Variants in PABIR3 observed in about 807,000 individuals in gnomAD.
PABIR3 encodes the protein PABIR family member 3.
A neutral mutation model predicts 23.1 loss-of-function variants in PABIR3; 20 were observed. The observed-to-expected ratio is 0.86, with a 90% confidence interval of 0.61 to 1.26. The LOEUF (loss-of-function observed/expected upper bound fraction) is 1.26. Among genes scored for constraint, PABIR3 ranks in the 50% most tolerant of loss-of-function variants. The pLI is 0.00. For synonymous variants in PABIR3, 69 were observed against 68.5 expected, an observed-to-expected ratio of 1.01 and a Z score of -0.04; for missense variants, 189 against 195.4, an observed-to-expected ratio of 0.97 and a Z score of 0.20.
At chrX:134,851,128 C>T (rs1208753607) in intron 9 of PABIR3, among the ~76,000 whole-genome samples, 4 of 108,988 alleles carry the variant, frequency 3.7e-5, no homozygotes, top group African/African-American at 6.7e-5. Flanking sequence ...AGGCAGGGGG[C>T]GGGGGGAACT....
intron 4 of PABIR3, among the ~76,000 whole-genome samples, chrX:134,843,918 CTTTTT>C (rs1196514400): frequency 1.5e-5 from 1 of 66,027 alleles, no homozygotes. Flanking sequence ...TATGCATGTT[CTTTTT>C]TTTTTTTTTT....
chrX:134,862,115 C>T, the PABIR3 span, among the ~76,000 whole-genome samples: 4 of 94,576 alleles, frequency 4.2e-5, no homozygotes, highest in Non-Finnish European at 6.3e-5. Flanking sequence ...AATGGGATCT[C>T]GTTTTTGTTT....
the PABIR3 span, among the ~76,000 whole-genome samples, chrX:134,861,224 G>A: frequency 1.8e-5 from 2 of 109,546 alleles, no homozygotes; most frequent in South Asian, 4.0e-4. Flanking sequence ...GCAGTGAGCC[G>A]AGATGGCGCC....
rs189416361 is a variant in PABIR3 at position 134,836,940 on chromosome X, G to A, written c.246+7658G>A. ...GAAATTGAGCTGGGCGTGGTGGTTC[G>A]TGCCTGTAATTCCAGTGACTTGAGA... On this transcript the variant is annotated intron_variant, in intron 4 of 10. Transcript: ENST00000645433. Among the ~76,000 whole-genome samples, 266 of 111,568 alleles carry A rather than the reference G, an allele frequency of 2.4e-3. 2 individuals are homozygous for A. Among genetic ancestry groups the A allele is most frequent in the Middle Eastern group, 4.6e-3 (1 of 216 alleles).
chrX:134,831,121 C>T (rs1042083693), intron 4 of PABIR3, among the ~76,000 whole-genome samples: 1 of 108,632 alleles, frequency 9.2e-6, no homozygotes, highest in African/African-American at 3.4e-5. Flanking sequence ...GGCGGGAGTG[C>T]AGTGGTGCTG....
At position 134,845,415 on chromosome X, in the gene PABIR3, A is replaced by C; in HGVS notation, c.345+14A>C. 1 of 1,170,429 alleles carries C rather than the reference A, an allele frequency of 8.5e-7. No homozygotes were observed. The highest frequency in any genetic ancestry group is 1.1e-6 in the Non-Finnish European group (1 of 873,759). ...GGCTTGAAACTGGTATGATATTATA[A>C]CTTCAGTTTTGTAGAAAATTTCAAA... On this transcript the variant is annotated intron_variant, in intron 6 of 10. Coordinates refer to ENST00000645433, the MANE Select transcript of PABIR3 (RefSeq NM_001388447.1).
downstream of PABIR3, among the ~76,000 whole-genome samples, chrX:134,856,966 C>G (rs148224478): frequency 6.4e-3 from 715 of 111,163 alleles, 2 homozygotes; most frequent in African/African-American, 0.022. Flanking sequence ...GAGCCGAGAT[C>G]ACGCCACTGC....
chrX:134,821,697 A>G (rs754148403), intron 3 of PABIR3: 145 of 1,016,532 alleles, frequency 1.4e-4, no homozygotes, highest in Non-Finnish European at 1.7e-4. Flanking sequence ...ATGGCCCACA[A>G]AGTTGCAAGC....
intron 4 of PABIR3, among the ~76,000 whole-genome samples, chrX:134,840,023 C>A (rs2082167854): frequency 8.9e-6 from 1 of 112,217 alleles, no homozygotes; most frequent in South Asian, 3.6e-4. Flanking sequence ...ACTAAGAATT[C>A]TTCTGCCTTG....
intron 4 of PABIR3, 28 bp from the exon 5 acceptor site, chrX:134,845,177 G>A (rs777543332): frequency 1.7e-6 from 2 of 1,153,012 alleles, no homozygotes; most frequent in South Asian, 3.8e-5. Context: ...TGGGTATTCA[G>A]TTTATTCTCA....
chrX:134,824,405 G>C, intron 3 of PABIR3, among the ~76,000 whole-genome samples: 1 of 112,355 alleles, frequency 8.9e-6, no homozygotes. Context: ...TGGTGTTGCA[G>C]ATGAATTTTA....
chrX:134,852,854 T>C lies in PABIR3; in HGVS notation c.644T>C (p.Met215Thr). 1 of 1,142,166 alleles carries C rather than the reference T, an allele frequency of 8.8e-7. No individual in the cohort carries two copies. Among genetic ancestry groups the C allele is most frequent in the Non-Finnish European group, 1.2e-6 (1 of 866,684 alleles). 94.1% of individuals were successfully genotyped at this position (1,142,166 alleles called of 1,213,427 possible). The change falls in exon 10 of 11, where the codon ATG becomes ACG. Residue 215 changes from methionine (M) to threonine (T), a missense_variant. Coordinates refer to ENST00000645433, the MANE Select transcript of PABIR3 (RefSeq NM_001388447.1). ...AAGATTTTCCAAGGCACAACCAACATGCTTTCTTCTGATACTTCCCAACTG... is the reference window on the plus strand; with the variant it reads ...AAGATTTTCCAAGGCACAACCAACACGCTTTCTTCTGATACTTCCCAACTG... Reference protein sequence around the residue: ...PKKIFQGTTNMLSSDTSQLSE... With the variant: ...PKKIFQGTTNTLSSDTSQLSE...
chrX:134,863,882 C>CA, the PABIR3 span, among the ~76,000 whole-genome samples: 3 of 111,381 alleles, frequency 2.7e-5, no homozygotes, highest in Non-Finnish European at 5.6e-5. Flanking sequence ...CGACTTCCAC[C>CA]ATGCATATGG....
Position 134,848,109 on chromosome X carries a change from G to A in PABIR3, c.527+138G>A, listed in dbSNP as rs371688872. On this transcript the variant is annotated intron_variant, in intron 8 of 10. Transcript: ENST00000645433. Reference sequence around the variant, plus strand: ...AGGGAAATTAAAATGTCATTGTTTCGGCTGGGCACGGTGGCTCCTGCCTGT... The same window carrying A: ...AGGGAAATTAAAATGTCATTGTTTCAGCTGGGCACGGTGGCTCCTGCCTGT... 294 of 540,159 alleles carry A rather than the reference G, an allele frequency of 5.4e-4. 1 individual carries two copies. Among genetic ancestry groups the A allele is most frequent in the African/African-American group, 5.1e-3 (216 of 42,537 alleles). 44.5% of individuals were successfully genotyped at this position (540,159 alleles called of 1,213,427 possible). A position where few individuals can be genotyped will look rare whatever the true frequency, so the allele number is the denominator to read the frequency against.
At chrX:134,799,594 G>A (rs2080004929) in intron 1 of PABIR3, among the ~76,000 whole-genome samples, 1 of 112,062 alleles carries the variant, frequency 8.9e-6, no homozygotes, top group Admixed American at 9.5e-5. Context: ...GGACATCAGG[G>A]CTTTCTGACT....
chrX:134,821,269 T>TGTTCCCTC (rs2081281689), intron 3 of PABIR3: 8 of 693,450 alleles, frequency 1.2e-5, no homozygotes, highest in South Asian at 7.6e-5. Flanking sequence ...AAAAAAAAAC[T>TGTTCCCTC]GTTCCCTCAC....
chrX:134,818,024 G>A (rs2081075440), intron 3 of PABIR3, among the ~76,000 whole-genome samples: 1 of 111,579 alleles, frequency 9.0e-6, no homozygotes, highest in African/African-American at 3.3e-5. Context: ...TTCAAAGATG[G>A]AATCAATGGA....
At chrX:134,840,219 T>G (rs1162157387) in intron 4 of PABIR3, among the ~76,000 whole-genome samples, 1 of 111,163 alleles carries the variant, frequency 9.0e-6, no homozygotes, top group Non-Finnish European at 1.9e-5. Context: ...ACACAAACAC[T>G]GCGGAAGGCC....
downstream of PABIR3, among the ~76,000 whole-genome samples, chrX:134,855,325 T>C (rs1353216362): frequency 1.8e-5 from 2 of 108,434 alleles, no homozygotes; most frequent in Admixed American, 2.0e-4. Flanking sequence ...TCCCAGCTAC[T>C]CGAGAGGCTG....
Sources: allele counts gnomAD v4.1 joint callset (sites outside exome capture counted in the v4.1 genomes callset), GRCh38; gene constraint gnomAD v4.1.1; transcripts MANE v1.5; gene names NCBI Gene and HGNC (gene_info 2026-07-23, HGNC 2026-07-21).